The following ACSL5 variants were observed in gnomAD, a reference collection of about 807,000 sequenced individuals.
The protein encoded by ACSL5 is long-chain-fatty-acid--CoA ligase 5.
In ACSL5, 50 loss-of-function variants were observed where a neutral mutation model predicts 84.9. That is an observed-to-expected ratio of 0.59 (90% CI 0.47 to 0.75). The LOEUF (loss-of-function observed/expected upper bound fraction) is 0.75. ACSL5 is among the 30% of genes least tolerant of loss of function. The probability of loss-of-function intolerance (pLI) is 0.00; values close to 1 mark genes in which losing one functional copy is unlikely to be tolerated. For missense variants in ACSL5, 775 were observed against 830.4 expected, an observed-to-expected ratio of 0.93 and a Z score of 0.82; for synonymous variants, 280 against 300.7, an observed-to-expected ratio of 0.93 and a Z score of 0.71.
chr10:112,398,418 T>C (rs1366495107), intron 2 of ACSL5, among the ~76,000 whole-genome samples: 1 of 151,894 alleles, frequency 6.6e-6, no homozygotes, highest in Non-Finnish European at 1.5e-5. Flanking sequence ...CTTTTTTTTT[T>C]TTCTGAGACG....
intron 3 of ACSL5, among the ~76,000 whole-genome samples, chr10:112,404,271 A>T (rs1271598434): frequency 6.6e-6 from 1 of 152,196 alleles, no homozygotes; most frequent in Non-Finnish European, 1.5e-5. Context: ...TTACATATTC[A>T]ACACTGAACC....
At chr10:112,426,731 T>C in intron 19 of ACSL5, 57 bp from the exon 20 acceptor site, 1 of 1,517,202 alleles carries the variant, frequency 6.6e-7, no homozygotes, top group South Asian at 1.1e-5. Flanking sequence ...TGGTTCATGC[T>C]TAGCCCTTCA....
chr10:112,425,284 C>T, intron 17 of ACSL5, 54 bp from the exon 18 acceptor site: 1 of 1,504,608 alleles, frequency 6.6e-7, no homozygotes, highest in Non-Finnish European at 9.0e-7. Flanking sequence ...ACTCTCCCCA[C>T]TGATATCATC....
At chr10:112,419,088 TACAC>T (rs925769195) in intron 14 of ACSL5, among the ~76,000 whole-genome samples, 5 of 133,306 alleles carry the variant, frequency 3.8e-5, no homozygotes, top group African/African-American at 1.1e-4. Context: ...GTCAAAGTAA[TACAC>T]ACAATGTATC....
chr10:112,404,380 A>G (rs1843980557), intron 3 of ACSL5, 131 bp from the exon 4 acceptor site: 1 of 666,476 alleles, frequency 1.5e-6, no homozygotes, highest in Admixed American at 2.8e-5. Context: ...AATTTCCTGG[A>G]CATATAATAG....
intron 1 of ACSL5, among the ~76,000 whole-genome samples, chr10:112,387,243 T>C (rs1472929808): frequency 6.6e-6 from 1 of 152,244 alleles, no homozygotes; most frequent in Non-Finnish European, 1.5e-5. Flanking sequence ...AGAAAACTAC[T>C]TATGATACAG....
intron 1 of ACSL5, among the ~76,000 whole-genome samples, chr10:112,388,974 C>A (rs1006372174): frequency 1.3e-5 from 2 of 152,068 alleles, no homozygotes; most frequent in African/African-American, 2.4e-5. Context: ...AAAATACAAT[C>A]TTTTAAAAGA....
At chr10:112,427,101 C>T (rs921860842) in intron 20 of ACSL5, 117 bp from the exon 21 acceptor site, 39 of 1,094,240 alleles carry the variant, frequency 3.6e-5, no homozygotes, top group Non-Finnish European at 4.9e-5. Flanking sequence ...GCATGTGTTA[C>T]TGTTACCTTT....
chr10:112,410,175 C>A, intron 7 of ACSL5: 1 of 1,417,514 alleles, frequency 7.1e-7, no homozygotes, highest in South Asian at 1.3e-5. Flanking sequence ...TCATTTCTTT[C>A]AAAAAAGATT....
At chr10:112,397,570 C>A (rs553113592) in intron 2 of ACSL5, among the ~76,000 whole-genome samples, 1 of 152,264 alleles carries the variant, frequency 6.6e-6, no homozygotes, top group South Asian at 2.1e-4. Flanking sequence ...TGTTCCTCCA[C>A]TCTGGAATTT....
intron 6 of ACSL5, 174 bp downstream of exon 6, chr10:112,408,695 C>G: frequency 5.4e-6 from 3 of 559,904 alleles, no homozygotes; most frequent in Non-Finnish European, 9.6e-6. Flanking sequence ...TTCAGGAAAG[C>G]TACAAAAAGC....
intron 1 of ACSL5, among the ~76,000 whole-genome samples, chr10:112,392,709 C>T (rs1019907557): frequency 6.6e-6 from 1 of 150,770 alleles, no homozygotes; most frequent in African/African-American, 2.4e-5. Context: ...CCACTGCACT[C>T]CAGCCTGGGT....
intron 5 of ACSL5, among the ~76,000 whole-genome samples, chr10:112,407,013 T>A (rs1844055278): frequency 6.6e-6 from 1 of 152,124 alleles, no homozygotes; most frequent in East Asian, 1.9e-4. Context: ...AAAAGGCACT[T>A]CTTACATCGT....
chr10:112,376,971 GAGTAAGCACT>G (rs2133553159), intron 1 of ACSL5, among the ~76,000 whole-genome samples: 1 of 151,432 alleles, frequency 6.6e-6, no homozygotes. Flanking sequence ...GACCCTCAGG[GAGTAAGCACT>G]GGAAAGGGAC....
Position 112,380,516 on chromosome 10 carries a change from C to T in ACSL5, c.-30+6247C>T, listed in dbSNP as rs562352956. Among the ~76,000 whole-genome samples the T allele has an allele frequency of 4.0e-5, 6 of 151,210 alleles. No individual in the cohort carries two copies. In the South Asian group the frequency reaches 1.3e-3, roughly 32 times the overall value. ...CCCTCCACCTCCAGCAGAAATACCT[C>T]TTCACCATTTCCCTCCCCTAAATGT... On this transcript the variant is annotated intron_variant, in intron 1 of 20. Coordinates refer to ENST00000354655, the MANE Select transcript of ACSL5 (RefSeq NM_203379.2).
At chr10:112,391,502 G>T (rs557083840) in intron 1 of ACSL5, among the ~76,000 whole-genome samples, 2 of 152,194 alleles carry the variant, frequency 1.3e-5, no homozygotes, top group East Asian at 3.9e-4. Context: ...TTCCTTCATT[G>T]TCTTCCTCAA....
At chr10:112,387,247 G>T (rs539242815) in intron 1 of ACSL5, among the ~76,000 whole-genome samples, 1 of 152,176 alleles carries the variant, frequency 6.6e-6, no homozygotes, top group East Asian at 1.9e-4. Context: ...AACTACTTAT[G>T]ATACAGAAAA....
chr10:112,398,822 T>C, intron 2 of ACSL5, 79 bp from the exon 3 acceptor site: 5 of 1,219,676 alleles, frequency 4.1e-6, no homozygotes, highest in Non-Finnish European at 3.6e-6. Flanking sequence ...ATTTATGGTC[T>C]CTTTAATTCA....
intron 1 of ACSL5, among the ~76,000 whole-genome samples, chr10:112,386,409 G>C (rs762513212): frequency 1.1e-4 from 16 of 152,018 alleles, no homozygotes; most frequent in Admixed American, 2.0e-4. Flanking sequence ...GGCCAGGCTG[G>C]TCTTGAACTC....
Sources: allele counts gnomAD v4.1 joint callset (sites outside exome capture counted in the v4.1 genomes callset), GRCh38; gene constraint gnomAD v4.1.1; transcripts MANE v1.5; gene names NCBI Gene and HGNC (gene_info 2026-07-23, HGNC 2026-07-21).